The following MAGI2 variants were observed in gnomAD, a reference collection of about 807,000 sequenced individuals.
MAGI2 encodes the protein membrane associated guanylate kinase, WW and PDZ domain containing 2, also known as membrane-associated guanylate kinase, WW and PDZ domain-containing protein 2.
MAGI2 carries 35 observed loss-of-function variants against 133.3 expected under a neutral mutation model. The ratio of observed to expected loss-of-function variants is 0.26; its 90% CI spans 0.20 to 0.35. The LOEUF is 0.35. Ranked by LOEUF, MAGI2 falls within the 10% of genes least tolerant of loss-of-function variation. The pLI, the probability that MAGI2 is intolerant of heterozygous loss-of-function variation, is 1.00. For missense variants in MAGI2, 1,636 were observed against 1,863.4 expected, an observed-to-expected ratio of 0.88 and a Z score of 2.25; for synonymous variants, 729 against 710.6, an observed-to-expected ratio of 1.03 and a Z score of -0.41.
intron 2 of MAGI2, among the ~76,000 whole-genome samples, chr7:78,657,620 G>A (rs1812447076): frequency 1.4e-5 from 2 of 140,604 alleles, no homozygotes; most frequent in African/African-American, 2.7e-5. Flanking sequence ...AAAGTTTGGC[G>A]ACTTTAAGAA....
chr7:78,991,580 C>T (rs1286252824), intron 2 of MAGI2, among the ~76,000 whole-genome samples: 1 of 150,432 alleles, frequency 6.6e-6, no homozygotes, highest in Non-Finnish European at 1.5e-5. Flanking sequence ...ATTTGCAAAG[C>T]TTCATTGTCC....
At chr7:79,241,113 C>T (rs1016115618) in intron 1 of MAGI2, among the ~76,000 whole-genome samples, 1 of 151,968 alleles carries the variant, frequency 6.6e-6, no homozygotes, top group Non-Finnish European at 1.5e-5. Context: ...CTGATGTCTC[C>T]GTTGCTTGTC....
chr7:79,213,818 T>C (rs77320787), intron 1 of MAGI2, among the ~76,000 whole-genome samples: 3,987 of 152,150 alleles, frequency 0.026, 85 homozygotes, highest in East Asian at 0.049. Flanking sequence ...GAATTATTTT[T>C]TGTTTCCTGT....
Position 79,235,889 on chromosome 7 carries a change from GTTC to G in MAGI2, c.301+217128_301+217130del, listed in dbSNP as rs1188124928. On this transcript the variant is annotated intron_variant, in intron 1 of 21. Coordinates refer to ENST00000354212, the MANE Select transcript of MAGI2 (RefSeq NM_012301.4). ...AACTTTGTTTGCTTTGTATTTTCGG[GTTC>G]TTGGCAGTACCAGACACACAGTTGG... Among the ~76,000 whole-genome samples, 3 of 152,226 alleles carry G rather than the reference GTTC, an allele frequency of 2.0e-5. No homozygotes were observed. The East Asian group carries it at 5.8e-4, about 29-fold the overall frequency.
intron 21 of MAGI2, among the ~76,000 whole-genome samples, chr7:78,029,659 G>A (rs371456143): frequency 2.6e-5 from 4 of 152,158 alleles, no homozygotes; most frequent in African/African-American, 9.7e-5. Context: ...AAACGACTGC[G>A]TGTTGAAAAC....
At chr7:79,414,350 C>T (rs1335364635) in intron 1 of MAGI2, 1 of 151,986 alleles carries the variant, frequency 6.6e-6, no homozygotes, top group Non-Finnish European at 1.5e-5. Flanking sequence ...TCTTCAAGTA[C>T]CTATTTTGTT....
intron 9 of MAGI2, among the ~76,000 whole-genome samples, chr7:78,338,337 T>A (rs1789992351): frequency 1.3e-5 from 2 of 152,224 alleles, no homozygotes; most frequent in Non-Finnish European, 2.9e-5. Flanking sequence ...TCCTCACTTG[T>A]CCACCTAGCA....
intron 6 of MAGI2, among the ~76,000 whole-genome samples, chr7:78,391,611 A>T (rs757328096): frequency 1.3e-5 from 2 of 152,188 alleles, no homozygotes; most frequent in Non-Finnish European, 2.9e-5. Context: ...AATTTTACCC[A>T]ATTAATATGT....
rs116355683 is a variant in MAGI2, at chr7:78,594,084, T to A, written c.538+33036A>T. ...AATCATCCTGTAGGAATGTACCTAG[T>A]CAACACCATCTCCTTCAACCAACCT... is the stretch of plus-strand genomic sequence containing the variant. On this transcript the variant is annotated intron_variant, in intron 3 of 21. Coordinates refer to ENST00000354212, the MANE Select transcript of MAGI2 (RefSeq NM_012301.4). Among the ~76,000 whole-genome samples, 614 of 152,322 alleles carry A rather than the reference T, an allele frequency of 4.0e-3. 5 individuals are homozygous for A. Among genetic ancestry groups the A allele is most frequent in the African/African-American group, 0.014 (593 of 41,560 alleles).
intron 1 of MAGI2, among the ~76,000 whole-genome samples, chr7:79,347,085 T>C (rs56410623): frequency 0.15 from 22,043 of 151,808 alleles, 1,712 homozygotes; most frequent in East Asian, 0.2. Flanking sequence ...TTTATGTTAA[T>C]TCGAGAGTGT....
At chr7:79,153,645 G>A (rs1823487141) in intron 1 of MAGI2, among the ~76,000 whole-genome samples, 1 of 152,162 alleles carries the variant, frequency 6.6e-6, no homozygotes, top group African/African-American at 2.4e-5. Context: ...GCAAAAGTAT[G>A]GCTAGGAGTG....
intron 1 of MAGI2, among the ~76,000 whole-genome samples, chr7:79,116,974 G>A (rs543734213): frequency 2.0e-5 from 3 of 152,212 alleles, no homozygotes; most frequent in Middle Eastern, 6.8e-3. Context: ...CAGCCTCAGG[G>A]AGTTACAACA....
At chr7:79,395,026 T>C (rs1350757082) in intron 1 of MAGI2, among the ~76,000 whole-genome samples, 1 of 152,222 alleles carries the variant, frequency 6.6e-6, no homozygotes, top group Non-Finnish European at 1.5e-5. Flanking sequence ...CAGTCATAGC[T>C]GTAGTACTCT....
intron 8 of MAGI2, among the ~76,000 whole-genome samples, chr7:78,344,512 T>C (rs1790704403): frequency 6.6e-6 from 1 of 152,194 alleles, no homozygotes; most frequent in Non-Finnish European, 1.5e-5. Context: ...AACAGTGGAA[T>C]GTGATCACAT....
At chr7:79,437,552 T>G (rs941415215) in intron 1 of MAGI2, among the ~76,000 whole-genome samples, 1 of 152,046 alleles carries the variant, frequency 6.6e-6, no homozygotes, top group Admixed American at 6.6e-5. Context: ...GGAAAGTAAC[T>G]CATTACAAAC....
At chr7:78,887,774 C>G (rs117922729) in intron 2 of MAGI2, among the ~76,000 whole-genome samples, 3,996 of 152,340 alleles carry the variant, frequency 0.026, 75 homozygotes, top group Middle Eastern at 0.051. Flanking sequence ...CGAATACGAA[C>G]AGCACCAGTC....
chr7:78,238,038 C>T (rs1432937619), intron 10 of MAGI2, among the ~76,000 whole-genome samples: 1 of 152,188 alleles, frequency 6.6e-6, no homozygotes, highest in Non-Finnish European at 1.5e-5. Flanking sequence ...CTCACACCTT[C>T]CATCTTGAAA....
intron 1 of MAGI2, among the ~76,000 whole-genome samples, chr7:79,217,091 A>G (rs1227052340): frequency 6.6e-6 from 1 of 152,086 alleles, no homozygotes; most frequent in Non-Finnish European, 1.5e-5. Flanking sequence ...AAAACATATT[A>G]GAAATAAAGT....
intron 21 of MAGI2, among the ~76,000 whole-genome samples, chr7:78,070,634 A>G (rs1416230940): frequency 1.9e-5 from 2 of 105,274 alleles, no homozygotes; most frequent in South Asian, 3.8e-4. Context: ...GTGTGTGTAT[A>G]TATATATATA....
Sources: gnomAD v4.1 joint callset for allele counts (sites outside exome capture counted in the v4.1 genomes callset) on GRCh38, gnomAD v4.1.1 for gene constraint, MANE v1.5 for transcripts, NCBI Gene and HGNC (gene_info 2026-07-23, HGNC 2026-07-21) for gene names.